The following AK9 variants were observed in gnomAD, a reference collection of about 807,000 sequenced individuals.
The protein encoded by AK9 is adenylate kinase domain containing 1.
A neutral mutation model predicts 239.6 loss-of-function variants in AK9; 191 were observed. That is an observed-to-expected ratio of 0.80 (90% confidence interval 0.71 to 0.90). AK9 has a LOEUF of 0.90. AK9 is among the 40% of genes least tolerant of loss of function. AK9 has a pLI of 0.00. For synonymous variants in AK9, 689 were observed against 721.0 expected (o/e 0.96, Z 0.71); for missense variants, 1,995 against 2,214.7 (o/e 0.90, Z 1.99).
At chr6:109,613,703 T>G (rs562007460) in intron 15 of AK9, among the ~76,000 whole-genome samples, 5 of 151,244 alleles carry the variant, frequency 3.3e-5, no homozygotes, top group Non-Finnish European at 7.4e-5. Flanking sequence ...TTCTATAATA[T>G]ATTACAGCTA....
intron 17 of AK9, among the ~76,000 whole-genome samples, chr6:109,597,099 A>G (rs892936067): frequency 1.1e-4 from 16 of 152,102 alleles, no homozygotes; most frequent in African/African-American, 3.4e-4. Flanking sequence ...ACATCTGTAA[A>G]TCTTTGTCCA....
chr6:109,538,373 C>T (rs1373962591), intron 27 of AK9, among the ~76,000 whole-genome samples: 2 of 152,138 alleles, frequency 1.3e-5, no homozygotes, highest in African/African-American at 4.8e-5. Flanking sequence ...CCTTCTTTGA[C>T]TCTTTTGATC....
At chr6:109,601,959 T>C (rs1004786088) in intron 17 of AK9, among the ~76,000 whole-genome samples, 14 of 152,150 alleles carry the variant, frequency 9.2e-5, no homozygotes, top group Non-Finnish European at 1.0e-4. Context: ...TATTTTAAGC[T>C]TATGTGTGTG....
chr6:109,550,363 A>T, intron 24 of AK9, 61 bp from the exon 25 acceptor site: 1 of 1,433,044 alleles, frequency 7.0e-7, no homozygotes, highest in Non-Finnish European at 9.5e-7. Context: ...GATGCAGATA[A>T]TTTTTTAAAA....
intron 12 of AK9, among the ~76,000 whole-genome samples, chr6:109,626,050 T>C (rs767313475): frequency 1.3e-5 from 2 of 152,186 alleles, no homozygotes; most frequent in Non-Finnish European, 2.9e-5. Context: ...CCTCTGTTTT[T>C]CAGACTGGAA....
chr6:109,688,540 C>T (rs1317023966), intron 1 of AK9, among the ~76,000 whole-genome samples: 5 of 152,176 alleles, frequency 3.3e-5, no homozygotes, highest in Admixed American at 1.3e-4. Context: ...ACAGCTAAGG[C>T]GCTAGCTTGG....
intron 21 of AK9, among the ~76,000 whole-genome samples, chr6:109,566,923 T>C (rs370300991): frequency 7.9e-5 from 12 of 152,250 alleles, no homozygotes; most frequent in Non-Finnish European, 1.8e-4. Flanking sequence ...GGGACACATT[T>C]AAAGCAGTGT....
rs960483759 is a variant in AK9 at position 109,663,751 on chromosome 6, A to G, written c.332-1088T>C. Among the ~76,000 whole-genome samples, 8 of 152,358 alleles carry G rather than the reference A, an allele frequency of 5.3e-5. No individual in the cohort carries two copies. In the East Asian group the frequency reaches 7.7e-4, roughly 15 times the overall value. On this transcript the variant is annotated intron_variant, in intron 5 of 40. Transcript: ENST00000424296. ...CTTATTCCAAGTGCAAGACAGACCA[A>G]TGGATTTTAATGTAACCAAGTTTTG... is the stretch of plus-strand genomic sequence containing the variant.
chr6:109,503,182 A>G (rs538728186), intron 35 of AK9, among the ~76,000 whole-genome samples: 1 of 151,980 alleles, frequency 6.6e-6, no homozygotes, highest in Admixed American at 6.6e-5. Context: ...ACAATAATAT[A>G]TAGTATTATT....
chr6:109,540,766 T>C (rs1261678554), intron 27 of AK9, among the ~76,000 whole-genome samples: 1 of 152,204 alleles, frequency 6.6e-6, no homozygotes, highest in Non-Finnish European at 1.5e-5. Context: ...CTGGTCTCTC[T>C]GGCAGGGTCA....
Position 109,619,177 on chromosome 6 carries a change from T to A in AK9, c.1314A>T (p.Val438=), listed in dbSNP as rs767901135. ...CAGTGGCCTCAGCTATGGTATTTTC[T>A]ACTAATGTTTCACGGGCTTTATCAA... The part of the protein sequence containing the change: ...PRFDKARETL[V]ENTIAEATAA... Residue 438 remains valine, a synonymous_variant, in exon 13 of 41, where the codon GTA becomes GTT. Coordinates refer to ENST00000424296, the MANE Select transcript of AK9 (RefSeq NM_001145128.3). The A allele has an allele frequency of 6.4e-6, 10 of 1,550,580 alleles. No individual in the cohort carries two copies. Among genetic ancestry groups the A allele is most frequent in the Non-Finnish European group, 8.7e-6 (10 of 1,146,462 alleles).
At chr6:109,536,740 T>C (rs1396593492) in intron 27 of AK9, among the ~76,000 whole-genome samples, 17 of 152,184 alleles carry the variant, frequency 1.1e-4, no homozygotes, top group African/African-American at 4.1e-4. Context: ...GGCTGTGGGT[T>C]TGTCACAAAT....
chr6:109,586,598 T>C (rs1178677191), intron 17 of AK9, among the ~76,000 whole-genome samples: 2 of 152,148 alleles, frequency 1.3e-5, no homozygotes, highest in African/African-American at 4.8e-5. Context: ...AGAAAGCTCC[T>C]GGTCCAGCTT....
intron 32 of AK9, among the ~76,000 whole-genome samples, chr6:109,512,339 A>G (rs942154537): frequency 6.6e-6 from 1 of 152,212 alleles, no homozygotes; most frequent in African/African-American, 2.4e-5. Flanking sequence ...TTAGCATATC[A>G]TCAATAAATA....
intron 27 of AK9, 36 bp downstream of exon 27, chr6:109,542,011 G>A (rs939807672): frequency 6.8e-7 from 1 of 1,460,974 alleles, no homozygotes. Flanking sequence ...ACAAATAAAA[G>A]CAAATAAATG....
At chr6:109,585,822 C>A in intron 18 of AK9, 94 bp downstream of exon 18, 1 of 1,206,672 alleles carries the variant, frequency 8.3e-7, no homozygotes, top group Non-Finnish European at 1.1e-6. Flanking sequence ...GTATTTCTAT[C>A]TAGGAAGAGT....
rs139857480 is a variant in AK9 at position 109,682,026 on chromosome 6, G to T, written c.-11-6270C>A. Among the ~76,000 whole-genome samples the T allele has an allele frequency of 3.7e-3, 569 of 152,228 alleles. 3 individuals are homozygous for T. Among genetic ancestry groups the T allele is most frequent in the African/African-American group, 0.013 (545 of 41,530 alleles). On this transcript the variant is annotated intron_variant, in intron 1 of 40. Coordinates refer to ENST00000424296, the MANE Select transcript of AK9 (RefSeq NM_001145128.3). The stretch of plus-strand genomic sequence containing the variant: ...TGACACCCTAACATCACAATTAAAA[G>T]AACTAGAGAAGCAACAGTAAACAAA...
chr6:109,573,604 T>C lies in AK9; in HGVS notation c.2192-10A>G. The C allele has an allele frequency of 6.5e-7, 1 of 1,533,170 alleles. No individual in the cohort carries two copies. Among genetic ancestry groups the C allele is most frequent in the African/African-American group, 1.4e-5 (1 of 71,844 alleles). The allele number at this position is 1,533,170 out of a possible 1,614,324, so 95.0% of individuals were successfully genotyped here. On this transcript the variant is annotated splice_polypyrimidine_tract_variant and intron_variant, in intron 20 of 40. Coordinates refer to ENST00000424296, the MANE Select transcript of AK9 (RefSeq NM_001145128.3). Reference sequence around the variant, plus strand: ...TCAGTCTCTTCAGCTTCTAAAAAAATTTGAAGAAATAAATTATCATTTGGT... The same window carrying C: ...TCAGTCTCTTCAGCTTCTAAAAAAACTTGAAGAAATAAATTATCATTTGGT...
intron 24 of AK9, among the ~76,000 whole-genome samples, chr6:109,559,044 G>A (rs1785373749): frequency 6.6e-6 from 1 of 152,040 alleles, no homozygotes; most frequent in Admixed American, 6.5e-5. Flanking sequence ...TAGAGAGGGG[G>A]GGTTCGCCAT....
Sources: allele counts gnomAD v4.1 joint callset (sites outside exome capture counted in the v4.1 genomes callset), GRCh38; gene constraint gnomAD v4.1.1; transcripts MANE v1.5; gene names NCBI Gene and HGNC (gene_info 2026-07-23, HGNC 2026-07-21).